The following IFT88 variants were observed in gnomAD, a reference collection of about 807,000 sequenced individuals.
IFT88 encodes the protein intraflagellar transport protein 88 homolog.
A neutral mutation model predicts 119.5 loss-of-function variants in IFT88; 74 were observed. That is an observed-to-expected ratio of 0.62 (90% CI 0.51 to 0.75). The LOEUF (loss-of-function observed/expected upper bound fraction) is 0.75. Ranked by LOEUF, IFT88 falls within the 30% of genes least tolerant of loss-of-function variation. The probability of loss-of-function intolerance (pLI) is 0.00; values close to 1 mark genes in which losing one functional copy is unlikely to be tolerated. For missense variants in IFT88, 961 were observed against 977.7 expected, an observed-to-expected ratio of 0.98 and a Z score of 0.23; for synonymous variants, 279 against 316.7, an observed-to-expected ratio of 0.88 and a Z score of 1.26.
At chr13:20,586,358 TA>T (rs572965620) in intron 3 of IFT88, among the ~76,000 whole-genome samples, 84 of 152,324 alleles carry the variant, frequency 5.5e-4, no homozygotes, top group African/African-American at 1.9e-3. Flanking sequence ...GAAGGCAAAT[TA>T]AATGGACACA....
intron 2 of IFT88, among the ~76,000 whole-genome samples, chr13:20,580,060 G>T (rs1298325578): frequency 6.6e-6 from 1 of 152,010 alleles, no homozygotes; most frequent in Non-Finnish European, 1.5e-5. Context: ...TTTCCTTCAT[G>T]TATACATACA....
Position 20,643,614 on chromosome 13 carries a change from G to C in IFT88, c.1833+9G>C, listed in dbSNP as rs768009086. On this transcript the variant is annotated intron_variant, in intron 19 of 25. Coordinates refer to ENST00000351808, the MANE Select transcript of IFT88 (RefSeq NM_006531.5). The stretch of plus-strand genomic sequence containing the variant: ...TTCAATATTACTATGAGGTAGGTGT[G>C]TTATCTTAATTTCCTTCTGTGTTTT... 1.9e-6 allele frequency: 3 copies of C among 1,570,152 alleles called. No homozygotes were observed. The highest frequency in any genetic ancestry group is 2.6e-6 in the Non-Finnish European group (3 of 1,155,548).
intron 24 of IFT88, among the ~76,000 whole-genome samples, chr13:20,675,804 C>A (rs759161803): frequency 6.6e-6 from 1 of 152,182 alleles, no homozygotes; most frequent in Non-Finnish European, 1.5e-5. Context: ...TTATTGTTTG[C>A]TTTTCTTCCT....
Position 20,619,716 on chromosome 13 carries a change from G to A in IFT88, c.1199+3837G>A, listed in dbSNP as rs546097219. 4.0e-5 allele frequency among the ~76,000 whole-genome samples: 6 copies of A among 151,826 alleles called. No individual in the cohort carries two copies. The East Asian group carries it at 9.7e-4, about 25-fold the overall frequency. ...TGCACATCTCTTGGTGGGTGGTGCC[G>A]ATATTTCTGTTAGATACATACCTAT... On this transcript the variant is annotated intron_variant, in intron 14 of 25. Transcript: ENST00000351808.
intron 16 of IFT88, chr13:20,631,546 T>A (rs1417649956): frequency 6.4e-6 from 1 of 155,132 alleles, no homozygotes; most frequent in Non-Finnish European, 1.4e-5. Context: ...AGGGGAGCGT[T>A]CTTGTCTTTG....
At chr13:20,655,900 G>C (rs907146217) in intron 21 of IFT88, among the ~76,000 whole-genome samples, 7 of 151,980 alleles carry the variant, frequency 4.6e-5, no homozygotes, top group Admixed American at 2.6e-4. Context: ...AGTTCATCTG[G>C]AATAATCTTT....
chr13:20,690,839 T>G (rs1228964174), intron 25 of IFT88, 24 bp downstream of exon 25: 1 of 1,537,586 alleles, frequency 6.5e-7, no homozygotes, highest in Non-Finnish European at 9.0e-7. Context: ...ACCCAGTTCC[T>G]CCAGGCATAG....
At chr13:20,580,362 C>T (rs760699383) in intron 2 of IFT88, among the ~76,000 whole-genome samples, 2 of 151,954 alleles carry the variant, frequency 1.3e-5, no homozygotes, top group Non-Finnish European at 2.9e-5. Context: ...TACTAAAATA[C>T]AAAAATTAGC....
intron 16 of IFT88, among the ~76,000 whole-genome samples, chr13:20,634,507 C>T (rs2048705282): frequency 6.6e-6 from 1 of 152,098 alleles, no homozygotes; most frequent in African/African-American, 2.4e-5. Flanking sequence ...GAGTTCAAGC[C>T]TAGCCAACAT....
At chr13:20,620,042 G>C (rs1212710388) in intron 14 of IFT88, among the ~76,000 whole-genome samples, 1 of 151,928 alleles carries the variant, frequency 6.6e-6, no homozygotes, top group Non-Finnish European at 1.5e-5. Flanking sequence ...TATTTCTTTG[G>C]TTAGTTCTTT....
chr13:20,681,040 C>T (rs1262094031), intron 24 of IFT88, among the ~76,000 whole-genome samples: 1 of 152,194 alleles, frequency 6.6e-6, no homozygotes, highest in Non-Finnish European at 1.5e-5. Context: ...CCCTGTTTCC[C>T]CCTTCTGCTT....
intron 14 of IFT88, among the ~76,000 whole-genome samples, chr13:20,621,941 T>C (rs187640536): frequency 1.1e-4 from 17 of 152,346 alleles, no homozygotes; most frequent in Admixed American, 7.2e-4. Flanking sequence ...CTTTTTACTG[T>C]CTCCATAGTT....
chr13:20,688,147 C>T (rs898164438), intron 24 of IFT88, among the ~76,000 whole-genome samples: 3 of 152,124 alleles, frequency 2.0e-5, no homozygotes, highest in African/African-American at 7.2e-5. Context: ...ACCAGCCTGG[C>T]AAACAAGGTG....
At chr13:20,672,821 A>G (rs1359814247) in intron 24 of IFT88, among the ~76,000 whole-genome samples, 2 of 152,236 alleles carry the variant, frequency 1.3e-5, no homozygotes, top group Non-Finnish European at 2.9e-5. Flanking sequence ...AGAAGTTTAT[A>G]TATTGCCACC....
intron 24 of IFT88, among the ~76,000 whole-genome samples, chr13:20,672,077 G>T (rs1210092921): frequency 6.6e-6 from 1 of 152,160 alleles, no homozygotes; most frequent in Non-Finnish European, 1.5e-5. Flanking sequence ...TGTGGATGCT[G>T]CCATGGTAGA....
At position 20,572,514 on chromosome 13, in the gene IFT88, C is replaced by T. The variant is rs765661223; in HGVS notation, c.-6-1866C>T. ...AATTACAGGCATGAGCTACGGCGCC[C>T]GGCCTAAGCTGTCTTATTTTATGTA... On this transcript the variant is annotated intron_variant, in intron 1 of 25. Transcript: ENST00000351808. Among the ~76,000 whole-genome samples, 8 of 152,240 alleles carry T rather than the reference C, an allele frequency of 5.3e-5. No homozygotes were observed. In the East Asian group the frequency reaches 9.6e-4, roughly 18 times the overall value.
intron 9 of IFT88, among the ~76,000 whole-genome samples, chr13:20,597,954 GA>G (rs1259858521): frequency 2.6e-5 from 4 of 150,982 alleles, no homozygotes; most frequent in Admixed American, 6.6e-5. Flanking sequence ...GGGTAGTGGG[GA>G]AAAAAAACTA....
At chr13:20,608,395 T>C (rs2043885614) in intron 13 of IFT88, among the ~76,000 whole-genome samples, 1 of 152,178 alleles carries the variant, frequency 6.6e-6, no homozygotes, top group Admixed American at 6.5e-5. Flanking sequence ...TGCTCTTTCT[T>C]TCTGGAGACT....
At chr13:20,587,601 C>T (rs1164713281) in intron 3 of IFT88, among the ~76,000 whole-genome samples, 1 of 152,054 alleles carries the variant, frequency 6.6e-6, no homozygotes, top group African/African-American at 2.4e-5. Context: ...AATTCTTGTA[C>T]TCTCGTTGTG....
Sources: gnomAD v4.1 joint callset for allele counts (sites outside exome capture counted in the v4.1 genomes callset) on GRCh38, gnomAD v4.1.1 for gene constraint, MANE v1.5 for transcripts, NCBI Gene and HGNC (gene_info 2026-07-23, HGNC 2026-07-21) for gene names.